The following SLC6A6 variants were observed in gnomAD, a reference collection of about 807,000 sequenced individuals.
The protein encoded by SLC6A6 is solute carrier family 6 member 6.
A neutral mutation model predicts 68.8 loss-of-function variants in SLC6A6; 16 were observed. That is an observed-to-expected ratio of 0.23 (90% CI 0.16 to 0.35). The LOEUF (loss-of-function observed/expected upper bound fraction) is 0.35, where lower values mean the gene tolerates loss of function less well. Among genes scored for constraint, SLC6A6 ranks in the 10% least tolerant of loss-of-function variants. SLC6A6 has a pLI of 1.00. For synonymous variants in SLC6A6, 312 were observed against 315.4 expected (o/e 0.99, Z 0.12); for missense variants, 474 against 802.8 (o/e 0.59, Z 4.95).
intron 9 of SLC6A6, among the ~76,000 whole-genome samples, chr3:14,471,443 G>T (rs1700750306): frequency 6.6e-6 from 1 of 152,320 alleles, no homozygotes; most frequent in East Asian, 1.9e-4. Flanking sequence ...AAGGCTCCTT[G>T]TGAGTCATTT....
intron 10 of SLC6A6, among the ~76,000 whole-genome samples, chr3:14,476,527 T>G (rs2124993287): frequency 6.6e-6 from 1 of 152,324 alleles, no homozygotes; most frequent in Non-Finnish European, 1.5e-5. Context: ...ACACAGCGTG[T>G]GTGCGCACAT....
rs980101130 is a variant in SLC6A6 at position 14,472,979 on chromosome 3, G to A, written c.1209+662G>A. Among the ~76,000 whole-genome samples the A allele has an allele frequency of 2.6e-5, 4 of 152,190 alleles. No homozygotes were observed. Among genetic ancestry groups the A allele is most frequent in the Admixed American group, 2.0e-4 (3 of 15,290 alleles). The stretch of plus-strand genomic sequence containing the variant: ...TCTCCCCTCCCAAGGCAGGACTCCT[G>A]TCTCCACTGAGGTTCTTTCCTGCAC... On this transcript the variant is annotated intron_variant, in intron 10 of 14. Transcript: ENST00000622186. The surrounding 1 kb of genome is among the most constrained non-coding windows in gnomAD (Gnocchi z 4.5).
chr3:14,483,161 T>A (rs1701047774), intron 14 of SLC6A6, among the ~76,000 whole-genome samples: 1 of 152,154 alleles, frequency 6.6e-6, no homozygotes, highest in Non-Finnish European at 1.5e-5. Context: ...AGCCCACATT[T>A]AGAAGTTTGG....
chr3:14,439,506 G>A (rs559735265), intron 2 of SLC6A6, among the ~76,000 whole-genome samples: 4 of 152,248 alleles, frequency 2.6e-5, no homozygotes, highest in Non-Finnish European at 5.9e-5. Context: ...GGAACACAGA[G>A]ACAAGGAGAA....
intron 2 of SLC6A6, among the ~76,000 whole-genome samples, chr3:14,427,951 A>T (rs1433139077): frequency 2.0e-5 from 3 of 152,194 alleles, no homozygotes; most frequent in Non-Finnish European, 4.4e-5. Flanking sequence ...GGGGAACTGC[A>T]GGCCCTGATC....
At position 14,472,209 on chromosome 3, in the gene SLC6A6, T is replaced by A; in HGVS notation, c.1101T>A (p.Pro367=). 6.2e-7 allele frequency: 1 copy of A among 1,607,070 alleles called. No homozygotes were observed. The highest frequency in any genetic ancestry group is 8.5e-7 in the Non-Finnish European group (1 of 1,173,552). Residue 367 remains proline, a synonymous_variant, in exon 10 of 15, where the codon CCT becomes CCA. Coordinates refer to ENST00000622186, the MANE Select transcript of SLC6A6 (RefSeq NM_003043.6). This position sits in a 1 kb window ranked among gnomAD's most constrained non-coding sequence, Gnocchi z 4.5. The part of the protein sequence containing the change: ...VDIADVAESG[P]GLAFIAYPKA... ...CCCGTTTTCTTTCCTTTCTAGGTCC[T>A]GGCCTGGCCTTCATTGCCTACCCAA...
intron 3 of SLC6A6, chr3:14,444,648 C>G (rs1253285223): frequency 6.9e-6 from 3 of 435,694 alleles, no homozygotes; most frequent in Non-Finnish European, 1.4e-5. Context: ...TGTGTGTCAG[C>G]AGAGATGGGC....
intron 2 of SLC6A6, among the ~76,000 whole-genome samples, chr3:14,426,331 C>G (rs960760340): frequency 6.6e-6 from 1 of 152,170 alleles, no homozygotes; most frequent in Non-Finnish European, 1.5e-5. Context: ...GTAAGTCCCC[C>G]CCCAGCCATC....
At chr3:14,484,809 C>A in intron 14 of SLC6A6, 58 bp from the exon 15 acceptor site, 1 of 1,584,926 alleles carries the variant, frequency 6.3e-7, no homozygotes. Context: ...ATGGCCCTGG[C>A]GAAGGGGAGA....
At chr3:14,479,294 A>G (rs775253320) in intron 13 of SLC6A6, 109 bp downstream of exon 13, 1 of 753,182 alleles carries the variant, frequency 1.3e-6, no homozygotes, top group Non-Finnish European at 2.4e-6. Context: ...TGGGCTTATA[A>G]TAAACCCAGC....
intron 13 of SLC6A6, among the ~76,000 whole-genome samples, chr3:14,480,080 T>C (rs1700973652): frequency 6.6e-6 from 1 of 152,214 alleles, no homozygotes; most frequent in South Asian, 2.1e-4. Context: ...AGCAAGTCAC[T>C]TCCCTCTGTG....
chr3:14,460,034 C>A (rs1473447463), intron 6 of SLC6A6, among the ~76,000 whole-genome samples: 1 of 152,044 alleles, frequency 6.6e-6, no homozygotes, highest in Non-Finnish European at 1.5e-5. Flanking sequence ...GTAGCTGAGA[C>A]CACAGGCACA....
intron 5 of SLC6A6, among the ~76,000 whole-genome samples, chr3:14,452,099 G>A (rs1401220241): frequency 5.3e-5 from 8 of 152,142 alleles, no homozygotes; most frequent in Non-Finnish European, 8.8e-5. Context: ...GCTTCTTCTG[G>A]GCAGGAAAGG....
rs60056939 is a variant in SLC6A6 at position 14,417,614 on chromosome 3, T to C, written c.-12+1161T>C. On this transcript the variant is annotated intron_variant, in intron 2 of 14. Coordinates refer to ENST00000622186, the MANE Select transcript of SLC6A6 (RefSeq NM_003043.6). ...AGACGTGGTGGCGGGCGCCTGTAGT[T>C]CCAGCTACTCGGGAGGCTGAGGCAG... Among the ~76,000 whole-genome samples the C allele has an allele frequency of 3.1e-3, 466 of 151,984 alleles. 4 individuals are homozygous for C. The highest frequency in any genetic ancestry group is 0.011 in the African/African-American group (448 of 41,440).
At chr3:14,456,447 C>A (rs1372475233) in intron 5 of SLC6A6, among the ~76,000 whole-genome samples, 15 of 152,200 alleles carry the variant, frequency 9.9e-5, no homozygotes, top group Non-Finnish European at 1.5e-5. Context: ...TCCAATGGGC[C>A]AGATGCTGTT....
At position 14,477,602 on chromosome 3, in the gene SLC6A6, G is replaced by A. The variant is rs571066380; in HGVS notation, c.1347+260G>A. 5.9e-5 allele frequency among the ~76,000 whole-genome samples: 9 copies of A among 152,342 alleles called. No individual in the cohort carries two copies. The highest frequency in any genetic ancestry group is 1.7e-4 in the African/African-American group (7 of 41,580). On this transcript the variant is annotated intron_variant, in intron 11 of 14. Coordinates refer to ENST00000622186, the MANE Select transcript of SLC6A6 (RefSeq NM_003043.6). This position sits in a 1 kb window ranked among gnomAD's most constrained non-coding sequence, Gnocchi z 4.2. ...CCCGCTGCCCTCTGTCCTGGGAAGA[G>A]GATCTTCAGCTGAAATCCATTTCAC...
chr3:14,445,295 C>A (rs1700091033), intron 3 of SLC6A6, among the ~76,000 whole-genome samples: 2 of 152,074 alleles, frequency 1.3e-5, no homozygotes, highest in Non-Finnish European at 2.9e-5. Flanking sequence ...GTGGCGGGCG[C>A]CTGTAGTCCC....
intron 2 of SLC6A6, among the ~76,000 whole-genome samples, chr3:14,441,543 GC>G (rs1699987415): frequency 6.6e-6 from 1 of 152,216 alleles, no homozygotes; most frequent in South Asian, 2.1e-4. Context: ...TCTGCTGGCC[GC>G]CAGATAGTGA....
chr3:14,428,821 GAC>G (rs1003000904), intron 2 of SLC6A6, among the ~76,000 whole-genome samples: 5 of 152,164 alleles, frequency 3.3e-5, no homozygotes, highest in African/African-American at 1.2e-4. Flanking sequence ...GTGTTTAAGG[GAC>G]AGGTGTTTCT....
Sources: allele counts gnomAD v4.1 joint callset (sites outside exome capture counted in the v4.1 genomes callset), GRCh38; gene constraint gnomAD v4.1.1; non-coding constraint Gnocchi (gnomAD v3.1); transcripts MANE v1.5; gene names NCBI Gene and HGNC (gene_info 2026-07-23, HGNC 2026-07-21).